Variants in DIXDC1 observed in about 807,000 individuals in gnomAD.
DIXDC1 encodes the protein dixin.
DIXDC1 carries 64 observed loss-of-function variants against 103.1 expected under a neutral mutation model. The observed-to-expected ratio is 0.62, with a 90% CI of 0.51 to 0.76. The LOEUF (loss-of-function observed/expected upper bound fraction) is 0.76. Ranked by LOEUF, DIXDC1 falls within the 30% of genes least tolerant of loss-of-function variation. The pLI is 0.00. For missense variants in DIXDC1, 759 were observed against 834.2 expected (o/e 0.91, Z 1.11); for synonymous variants, 266 against 298.5 (o/e 0.89, Z 1.12).
At chr11:112,015,974 C>CTAATT (rs1555177639) in intron 17 of DIXDC1, 2 of 150,986 alleles carry the variant, frequency 1.3e-5, no homozygotes, top group Non-Finnish European at 1.5e-5. Flanking sequence ...CCACGCCCAG[C>CTAATT]TAATTTTTGT....
intron 17 of DIXDC1, among the ~76,000 whole-genome samples, chr11:111,999,080 G>A (rs1158948433): frequency 3.3e-5 from 5 of 152,170 alleles, no homozygotes; most frequent in African/African-American, 1.2e-4. Context: ...AAGAATTTGA[G>A]CATTAAATGA....
At chr11:112,007,993 A>T (rs1861290393) in intron 17 of DIXDC1, among the ~76,000 whole-genome samples, 1 of 152,154 alleles carries the variant, frequency 6.6e-6, no homozygotes, top group South Asian at 2.1e-4. Context: ...TAAATGCCCC[A>T]ATGAAAAGTG....
chr11:111,964,746 T>C (rs1456264921), intron 2 of DIXDC1, 68 bp downstream of exon 2: 2 of 1,494,926 alleles, frequency 1.3e-6, no homozygotes, highest in African/African-American at 1.4e-5. Flanking sequence ...ATCCTTCTTA[T>C]GCCCTTTAGA....
upstream of DIXDC1, among the ~76,000 whole-genome samples, chr11:111,935,695 G>A (rs1487486141): frequency 2.0e-5 from 3 of 152,226 alleles, no homozygotes; most frequent in Non-Finnish European, 4.4e-5. Flanking sequence ...GTTACACCAC[G>A]AAGTGTGGTA....
Position 112,017,634 on chromosome 11 carries a change from T to G in DIXDC1, c.1863-143T>G, listed in dbSNP as rs1861633472. On this transcript the variant is annotated intron_variant, in intron 18 of 19. Transcript: ENST00000440460. This position sits in a 1 kb window ranked among gnomAD's most constrained non-coding sequence, Gnocchi z 4.0. ...GGTTCTCCAGCCTCTGCTGTTTTAGTCATCTGGGTTATCGGGGCAGTGACC... is the reference window on the plus strand; with the variant it reads ...GGTTCTCCAGCCTCTGCTGTTTTAGGCATCTGGGTTATCGGGGCAGTGACC... The G allele has an allele frequency of 1.8e-6, 1 of 558,920 alleles. No homozygotes were observed. Among genetic ancestry groups the G allele is most frequent in the South Asian group, 2.4e-5 (1 of 41,238 alleles). 34.6% of individuals were successfully genotyped at this position (558,920 alleles called of 1,614,324 possible).
At chr11:112,013,610 T>C (rs1032740371) in intron 17 of DIXDC1, among the ~76,000 whole-genome samples, 6 of 152,138 alleles carry the variant, frequency 3.9e-5, no homozygotes, top group African/African-American at 1.4e-4. Flanking sequence ...ATCTCAGTCA[T>C]TGTTTACTTT....
chr11:112,000,410 A>T (rs587734912), intron 17 of DIXDC1, among the ~76,000 whole-genome samples: 1 of 152,198 alleles, frequency 6.6e-6, no homozygotes, highest in African/African-American at 2.4e-5. Flanking sequence ...AAGATAAAGA[A>T]ATGGCCAGCC....
At chr11:111,939,027 C>T (rs1230154489) in intron 1 of DIXDC1, among the ~76,000 whole-genome samples, 1 of 152,258 alleles carries the variant, frequency 6.6e-6, no homozygotes, top group Non-Finnish European at 1.5e-5. Flanking sequence ...TCTTTTCTCA[C>T]TCTCTGCCTT....
At chr11:112,016,495 C>T (rs1157683887) in intron 17 of DIXDC1, among the ~76,000 whole-genome samples, 196 bp from the exon 18 acceptor site, 1 of 152,126 alleles carries the variant, frequency 6.6e-6, no homozygotes, top group Admixed American at 6.5e-5. Flanking sequence ...TCCTCGCGAT[C>T]GTGTCCATGT....
intron 1 of DIXDC1, among the ~76,000 whole-genome samples, chr11:111,948,209 C>A (rs1367689026): frequency 6.6e-6 from 1 of 152,214 alleles, no homozygotes; most frequent in Non-Finnish European, 1.5e-5. Flanking sequence ...GAAACTTACT[C>A]TACAGAATTT....
chr11:112,012,162 CAGTGAA>C (rs1861443158), intron 17 of DIXDC1, among the ~76,000 whole-genome samples: 1 of 152,124 alleles, frequency 6.6e-6, no homozygotes, highest in Non-Finnish European at 1.5e-5. Flanking sequence ...AATGCAGTTC[CAGTGAA>C]AATCCTACCA....
At chr11:112,010,514 A>G (rs1411637624) in intron 17 of DIXDC1, among the ~76,000 whole-genome samples, 1 of 152,252 alleles carries the variant, frequency 6.6e-6, no homozygotes, top group Admixed American at 6.5e-5. Context: ...AAGCAAAGGA[A>G]CAAAACTGGA....
chr11:111,928,829 C>A (rs7943860), intron 1 of DIXDC1, among the ~76,000 whole-genome samples: 3,797 of 152,014 alleles, frequency 0.025, 168 homozygotes, highest in African/African-American at 0.087. Context: ...CTGCAAAGGT[C>A]AAATAAGATG....
At chr11:112,015,822 T>TG (rs1491243099) in intron 17 of DIXDC1, among the ~76,000 whole-genome samples, 3 of 128,976 alleles carry the variant, frequency 2.3e-5, no homozygotes, top group Non-Finnish European at 4.9e-5. Flanking sequence ...TTTTTTTTTT[T>TG]GCGGCAGGGA....
intron 17 of DIXDC1, among the ~76,000 whole-genome samples, chr11:112,004,417 C>A (rs1478356816): frequency 6.6e-6 from 1 of 152,096 alleles, no homozygotes; most frequent in Non-Finnish European, 1.5e-5. Context: ...AGGTGAAGAC[C>A]CATTACAGCT....
intron 3 of DIXDC1, among the ~76,000 whole-genome samples, chr11:111,973,360 G>A (rs1399284875): frequency 1.4e-5 from 2 of 146,750 alleles, no homozygotes; most frequent in African/African-American, 5.1e-5. Flanking sequence ...CAACAAGAGT[G>A]AAACTCCATC....
chr11:111,992,305 A>G lies in DIXDC1; in HGVS notation c.1114-110A>G, dbSNP rs1860735819. 2.4e-5 allele frequency: 23 copies of G among 962,882 alleles called. No homozygotes were observed. In the South Asian group the frequency reaches 3.3e-4, roughly 14 times the overall value. The allele number at this position is 962,882 out of a possible 1,614,324, so 59.6% of individuals were successfully genotyped here. A position where few individuals can be genotyped will look rare whatever the true frequency, so the allele number is the denominator to read the frequency against. On this transcript the variant is annotated intron_variant, in intron 10 of 19. Transcript: ENST00000440460. ...AGACCCTTTACCCCATTTGTCTTCC[A>G]GTCTGCCATAACGAATGCTGGAAAC...
At chr11:112,006,270 CAA>C (rs1238156859) in intron 17 of DIXDC1, among the ~76,000 whole-genome samples, 29 of 152,118 alleles carry the variant, frequency 1.9e-4, no homozygotes, top group African/African-American at 6.0e-4. Flanking sequence ...AGTAGGTAAA[CAA>C]AGCTGCCTGG....
At chr11:111,942,657 G>T (rs1393154973) in intron 1 of DIXDC1, among the ~76,000 whole-genome samples, 1 of 152,228 alleles carries the variant, frequency 6.6e-6, no homozygotes, top group African/African-American at 2.4e-5. Context: ...GGAGCAGAGA[G>T]TGTTTGGGGA....
Sources: gnomAD v4.1 joint callset for allele counts (sites outside exome capture counted in the v4.1 genomes callset) on GRCh38, gnomAD v4.1.1 for gene constraint, Gnocchi (gnomAD v3.1) non-coding constraint, MANE v1.5 for transcripts, NCBI Gene and HGNC (gene_info 2026-07-23, HGNC 2026-07-21) for gene names.